Variants in KCNS3 observed in about 807,000 individuals in gnomAD.
KCNS3 encodes potassium voltage-gated channel modifier subfamily S member 3, also known as delayed-rectifier potassium channel regulatory subunit KCNS3.
In KCNS3, 13 loss-of-function variants were observed where a neutral mutation model predicts 31.0. The observed-to-expected ratio is 0.42, with a 90% CI of 0.27 to 0.67. KCNS3 has a LOEUF of 0.67. KCNS3 is among the 30% of genes least tolerant of loss of function. KCNS3 has a pLI of 0.25. For synonymous variants in KCNS3, 238 were observed against 241.5 expected, an observed-to-expected ratio of 0.99 and a Z score of 0.13; for missense variants, 545 against 622.4, an observed-to-expected ratio of 0.88 and a Z score of 1.32.
intron 1 of KCNS3, among the ~76,000 whole-genome samples, chr2:17,909,321 G>C (rs1197704159): frequency 3.9e-5 from 6 of 152,186 alleles, no homozygotes; most frequent in African/African-American, 1.4e-4. Context: ...GCGGTATTAG[G>C]GTGGGAGTGA....
chr2:17,931,158 A>G lies in KCNS3; in HGVS notation c.150A>G (p.Glu50=), dbSNP rs1428678993. The G allele has an allele frequency of 6.2e-7, 1 of 1,614,174 alleles. No homozygotes were observed. Among genetic ancestry groups the G allele is most frequent in the Non-Finnish European group, 8.5e-7 (1 of 1,180,026 alleles). Residue 50 remains glutamate (E), a synonymous_variant, in exon 3 of 3, where the codon GAA becomes GAG. Coordinates refer to ENST00000304101, the MANE Select transcript of KCNS3 (RefSeq NM_002252.5). This position sits in a 1 kb window ranked among gnomAD's most constrained non-coding sequence, Gnocchi z 5.4. ...GGAAGCTGCTTACTTGCCATTCTGA[A>G]GAGGCCATTCTGGAGCTGTGTGATG... is the stretch of plus-strand genomic sequence containing the variant. ...RLGKLLTCHS[E]EAILELCDDY...
At chr2:17,879,955 G>GT (rs1387548477) in intron 1 of KCNS3, among the ~76,000 whole-genome samples, 1 of 152,170 alleles carries the variant, frequency 6.6e-6, no homozygotes, top group Admixed American at 6.5e-5. Context: ...CTTCGTTCGG[G>GT]TTTTTTGTCT....
intron 1 of KCNS3, among the ~76,000 whole-genome samples, chr2:17,916,144 G>T (rs577540322): frequency 6.6e-6 from 1 of 152,132 alleles, no homozygotes; most frequent in Non-Finnish European, 1.5e-5. Flanking sequence ...TTAATATAGT[G>T]ATTTATTAAT....
chr2:17,932,141 C>T lies in KCNS3; in HGVS notation c.1133C>T (p.Pro378Leu), dbSNP rs937664203. The change falls in exon 3 of 3, where the codon CCG (proline) becomes CTG (leucine). Residue 378 changes from proline to leucine, a missense_variant. Coordinates refer to ENST00000304101, the MANE Select transcript of KCNS3 (RefSeq NM_002252.5). ...ACTGTGGGCTATGGAGACACCCACC[C>T]GGTCACCTTGGCGGGAAAGCTCATC... is the stretch of plus-strand genomic sequence containing the variant. Reference protein sequence around the residue: ...MTTVGYGDTHPVTLAGKLIAS... With the variant: ...MTTVGYGDTHLVTLAGKLIAS... 13 of 1,614,044 alleles carry T rather than the reference C, an allele frequency of 8.1e-6. No homozygotes were observed. Among genetic ancestry groups the T allele is most frequent in the South Asian group, 3.3e-5 (3 of 91,052 alleles).
chr2:17,898,142 C>T (rs1400842222), intron 1 of KCNS3, among the ~76,000 whole-genome samples: 2 of 151,808 alleles, frequency 1.3e-5, no homozygotes, highest in Non-Finnish European at 2.9e-5. Context: ...GTTCTCTGTT[C>T]TCTTCCATTG....
At chr2:17,885,424 C>T (rs1661622460) in intron 1 of KCNS3, among the ~76,000 whole-genome samples, 1 of 152,118 alleles carries the variant, frequency 6.6e-6, no homozygotes, top group South Asian at 2.1e-4. Context: ...CAAACAGAAC[C>T]AATAGGCTGT....
In KCNS3 at chr2:17,931,036, C is replaced by T. The variant is rs981805652; in HGVS notation, c.28C>T (p.Pro10Ser). 4 of 1,613,818 alleles carry T rather than the reference C, an allele frequency of 2.5e-6. No homozygotes were observed. The highest frequency in any genetic ancestry group is 3.4e-6 in the Non-Finnish European group (4 of 1,179,952). MVFGEFFHR[P>S]GQDEELVNLN... ...GGTGTTTGGTGAGTTTTTCCATCGC[C>T]CTGGACAAGACGAGGAACTTGTCAA... The change falls in exon 3 of 3, where the codon CCT becomes TCT. Residue 10 changes from proline (P) to serine (S), a missense_variant. Pro to Ser is a moderately conservative substitution (Grantham distance 74). Transcript: ENST00000304101. The surrounding 1 kb of genome is among the most constrained non-coding windows in gnomAD (Gnocchi z 5.4).
chr2:17,886,300 T>C (rs1413226559), intron 1 of KCNS3, among the ~76,000 whole-genome samples: 2 of 152,128 alleles, frequency 1.3e-5, no homozygotes, highest in African/African-American at 4.8e-5. Flanking sequence ...ATGATTTACT[T>C]GAGATAAAAA....
rs200945398 is a variant in KCNS3 at position 17,899,364 on chromosome 2, TG to T, written c.-251-18315del. 5.0e-3 allele frequency among the ~76,000 whole-genome samples: 755 copies of T among 152,278 alleles called. 15 individuals are homozygous for T. The highest frequency in any genetic ancestry group is 0.039 in the Admixed American group (600 of 15,304). ...TTTATTTCTTATAATCAAATTTTGA[TG>T]TAGGTACTATTATCTTATTATATTA... On this transcript the variant is annotated intron_variant, in intron 1 of 2. Coordinates refer to ENST00000304101, the MANE Select transcript of KCNS3 (RefSeq NM_002252.5).
intron 1 of KCNS3, among the ~76,000 whole-genome samples, chr2:17,900,071 A>G (rs2125239280): frequency 6.6e-6 from 1 of 152,254 alleles, no homozygotes; most frequent in Middle Eastern, 3.4e-3. Context: ...TTTCCATTTA[A>G]CTATTTGAAA....
At position 17,887,574 on chromosome 2, in the gene KCNS3, G is replaced by T. The variant is rs543263557; in HGVS notation, c.-252+8768G>T. 2.2e-3 allele frequency among the ~76,000 whole-genome samples: 330 copies of T among 150,706 alleles called. 2 individuals are homozygous for T. The highest frequency in any genetic ancestry group is 7.9e-3 in the African/African-American group (323 of 41,070). ...ATCACAGTTTCTTTATCCACTCATT[G>T]ATTGATGGGCATTTGGGTTGGTTCC... On this transcript the variant is annotated intron_variant, in intron 1 of 2. Coordinates refer to ENST00000304101, the MANE Select transcript of KCNS3 (RefSeq NM_002252.5).
chr2:17,895,403 T>C (rs768535410), intron 1 of KCNS3, among the ~76,000 whole-genome samples: 14 of 152,170 alleles, frequency 9.2e-5, no homozygotes, highest in Admixed American at 6.5e-5. Flanking sequence ...ACATGTCAGG[T>C]GCTCAGATGG....
chr2:17,892,860 T>C (rs1661892737), intron 1 of KCNS3, among the ~76,000 whole-genome samples: 1 of 152,168 alleles, frequency 6.6e-6, no homozygotes, highest in Admixed American at 6.5e-5. Flanking sequence ...ATGGACTCCA[T>C]GAGGATCCTT....
intron 1 of KCNS3, among the ~76,000 whole-genome samples, chr2:17,903,060 C>G (rs1240520753): frequency 6.6e-6 from 1 of 152,186 alleles, no homozygotes; most frequent in Admixed American, 6.5e-5. Context: ...GTGGTGACCA[C>G]CATTTCAAAA....
intron 1 of KCNS3, among the ~76,000 whole-genome samples, chr2:17,879,838 A>G (rs1037485194): frequency 2.0e-5 from 3 of 152,166 alleles, no homozygotes; most frequent in African/African-American, 4.8e-5. Flanking sequence ...CCACCTGCCA[A>G]AATGACCCAG....
At position 17,917,739 on chromosome 2, in the gene KCNS3, C is replaced by T. The variant is rs2125248970; in HGVS notation, c.-192C>T. 6.5e-6 allele frequency: 1 copy of T among 152,760 alleles called. No homozygotes were observed. Among genetic ancestry groups the T allele is most frequent in the South Asian group, 2.1e-4 (1 of 4,818 alleles). The allele number at this position is 152,760 out of a possible 1,614,324, so 9.5% of individuals were successfully genotyped here. A position where few individuals can be genotyped will look rare whatever the true frequency, so the allele number is the denominator to read the frequency against. On this transcript the variant is annotated 5_prime_UTR_variant, in exon 2 of 3. Transcript: ENST00000304101. ...TACAACCAGAGAACAGGATTCTTCC[C>T]TTCTTTTTGGCCACCAAATGCCTAT...
chr2:17,890,640 A>T (rs920969697), intron 1 of KCNS3, among the ~76,000 whole-genome samples: 2 of 152,040 alleles, frequency 1.3e-5, no homozygotes, highest in African/African-American at 4.8e-5. Flanking sequence ...ATTGTCATTC[A>T]GTTTGAAGAA....
intron 1 of KCNS3, among the ~76,000 whole-genome samples, chr2:17,905,275 G>T (rs891778018): frequency 1.3e-5 from 2 of 152,176 alleles, no homozygotes; most frequent in African/African-American, 4.8e-5. Flanking sequence ...TGTTATTGGT[G>T]TATAAGAATG....
intron 2 of KCNS3, among the ~76,000 whole-genome samples, chr2:17,920,457 G>A (rs1662683136): frequency 6.6e-6 from 1 of 152,206 alleles, no homozygotes; most frequent in African/African-American, 2.4e-5. Flanking sequence ...CCAAGAGGAG[G>A]CGAATAAAAG....
Sources: gnomAD v4.1 joint callset for allele counts (sites outside exome capture counted in the v4.1 genomes callset) on GRCh38, gnomAD v4.1.1 for gene constraint, Gnocchi (gnomAD v3.1) non-coding constraint, MANE v1.5 for transcripts, NCBI Gene and HGNC (gene_info 2026-07-23, HGNC 2026-07-21) for gene names.